The following PURG variants were observed in gnomAD, a reference collection of about 807,000 sequenced individuals.
The protein encoded by PURG is purine-rich element-binding protein gamma.
In PURG, 3 loss-of-function variants were observed where a neutral mutation model predicts 24.3. The observed-to-expected ratio is 0.12, with a 90% CI of 0.06 to 0.32. The LOEUF (loss-of-function observed/expected upper bound fraction) is 0.32. Ranked by LOEUF, PURG falls within the 10% of genes least tolerant of loss-of-function variation. The pLI, the probability that PURG is intolerant of heterozygous loss-of-function variation, is 1.00. For synonymous variants in PURG, 180 were observed against 173.1 expected (o/e 1.04, Z -0.31); for missense variants, 371 against 439.1 (o/e 0.84, Z 1.39).
At chr8:31,018,800 T>C (rs925440840) in intron 1 of PURG, among the ~76,000 whole-genome samples, 1 of 152,100 alleles carries the variant, frequency 6.6e-6, no homozygotes, top group Non-Finnish European at 1.5e-5. Flanking sequence ...TTCAATACAA[T>C]GTAATCCACT....
chr8:31,002,276 C>T (rs1416089987), intron 1 of PURG, among the ~76,000 whole-genome samples: 1 of 152,110 alleles, frequency 6.6e-6, no homozygotes, highest in Non-Finnish European at 1.5e-5. Context: ...AAAGTCTCTT[C>T]TAGCCCTAAA....
downstream of PURG, among the ~76,000 whole-genome samples, chr8:31,030,176 T>C (rs2129851148): frequency 6.6e-6 from 1 of 152,098 alleles, no homozygotes; most frequent in South Asian, 2.1e-4. Context: ...AAATCGCTGA[T>C]ATAATTTTAA....
intron 1 of PURG, among the ~76,000 whole-genome samples, chr8:31,020,550 A>C (rs1357368769): frequency 1.3e-5 from 2 of 152,246 alleles, no homozygotes; most frequent in African/African-American, 4.8e-5. Context: ...ATGAGGCTTC[A>C]TAACTGTTAA....
rs1479171157 is a variant in PURG, at chr8:31,031,724, G to A, written c.*15C>T. Reference sequence around the variant, plus strand: ...TTGTGATTTTAAATTTTGCCTGATGGAGTTCAATTTCACTCTAGTCGAGGC... The same window carrying A: ...TTGTGATTTTAAATTTTGCCTGATGAAGTTCAATTTCACTCTAGTCGAGGC... On this transcript the variant is annotated 3_prime_UTR_variant, in exon 2 of 2. Coordinates refer to ENST00000523392, the MANE Select transcript of PURG (RefSeq NM_001323311.2). 7.2e-6 allele frequency: 11 copies of A among 1,528,566 alleles called. No homozygotes were observed. Among genetic ancestry groups the A allele is most frequent in the Admixed American group, 2.1e-5 (1 of 46,632 alleles). The allele number at this position is 1,528,566 out of a possible 1,614,324, so 94.7% of individuals were successfully genotyped here. A position where few individuals can be genotyped will look rare whatever the true frequency, so the allele number is the denominator to read the frequency against.
chr8:31,020,085 C>T (rs931006127), intron 1 of PURG, among the ~76,000 whole-genome samples: 5 of 151,952 alleles, frequency 3.3e-5, no homozygotes, highest in Non-Finnish European at 5.9e-5. Flanking sequence ...GCTGGAGAAT[C>T]GCTTGAACCT....
At chr8:31,001,218 C>G (rs902791147) in intron 1 of PURG, among the ~76,000 whole-genome samples, 1 of 152,146 alleles carries the variant, frequency 6.6e-6, no homozygotes, top group African/African-American at 2.4e-5. Context: ...AAAAGCTAGG[C>G]AATTGTATTT....
intron 1 of PURG, among the ~76,000 whole-genome samples, chr8:31,018,955 G>A (rs1460224251): frequency 3.3e-5 from 5 of 149,942 alleles, no homozygotes; most frequent in East Asian, 3.9e-4. Context: ...GTGAAAACCC[G>A]TCTCTACTAA....
At chr8:31,017,381 T>C (rs539258708) in intron 1 of PURG, among the ~76,000 whole-genome samples, 176 of 151,458 alleles carry the variant, frequency 1.2e-3, no homozygotes, top group African/African-American at 3.8e-3. Context: ...GTATGTTTAA[T>C]ATATATTACA....
At chr8:31,015,734 A>G (rs1353297694) in intron 1 of PURG, among the ~76,000 whole-genome samples, 3 of 152,188 alleles carry the variant, frequency 2.0e-5, no homozygotes, top group Admixed American at 6.5e-5. Flanking sequence ...ACCTGGATTT[A>G]TGCATTTAGC....
At chr8:31,029,344 A>G (rs1052118132), downstream of PURG, among the ~76,000 whole-genome samples, 6 of 151,890 alleles carry the variant, frequency 4.0e-5, no homozygotes, top group Non-Finnish European at 7.4e-5. Flanking sequence ...GTATACATAC[A>G]AAGTAGAAAA....
At chr8:31,013,459 C>T (rs568199365) in intron 1 of PURG, among the ~76,000 whole-genome samples, 4 of 152,138 alleles carry the variant, frequency 2.6e-5, no homozygotes, top group Non-Finnish European at 5.9e-5. Flanking sequence ...GGTTCCTGGC[C>T]GGGCGCGGCG....
chr8:31,026,805 T>A (rs545958853), downstream of PURG, among the ~76,000 whole-genome samples: 2 of 151,438 alleles, frequency 1.3e-5, no homozygotes, highest in South Asian at 4.2e-4. Context: ...TTCAAAAATA[T>A]TGATTAAAAT....
chr8:31,032,495 C>A lies in PURG; in HGVS notation c.288G>T (p.Arg96=), dbSNP rs1187977949. ...KIAEVWIGRG[R]QDNIRKSKLT... ...GTTTACTCTTTCTGATGTTGTCCTG[C>A]CGGCCTCTCCCTATCCAGACTTCGG... The change falls in exon 2 of 2, where the codon CGG becomes CGT. Residue 96 remains arginine, a synonymous_variant. Transcript: ENST00000523392. The surrounding 1 kb of genome is among the most constrained non-coding windows in gnomAD (Gnocchi z 5.9). 1.2e-5 allele frequency: 20 copies of A among 1,614,218 alleles called. No individual in the cohort carries two copies. Among genetic ancestry groups the A allele is most frequent in the Non-Finnish European group, 1.7e-5 (20 of 1,180,036 alleles).
chr8:31,003,009 G>A (rs1715452062), intron 1 of PURG, among the ~76,000 whole-genome samples: 1 of 152,162 alleles, frequency 6.6e-6, no homozygotes, highest in African/African-American at 2.4e-5. Flanking sequence ...TATCCTTGAG[G>A]CTTAGTATGA....
In PURG at chr8:31,032,828, G is replaced by A. The variant is rs1235342604; in HGVS notation, c.-6-40C>T. The A allele has an allele frequency of 2.3e-6, 3 of 1,325,506 alleles. No homozygotes were observed. The highest frequency in any genetic ancestry group is 2.9e-6 in the Non-Finnish European group (3 of 1,032,410). The allele number at this position is 1,325,506 out of a possible 1,614,324, so 82.1% of individuals were successfully genotyped here. A position where few individuals can be genotyped will look rare whatever the true frequency, so the allele number is the denominator to read the frequency against. Reference sequence around the variant, plus strand: ...CAGACACACGGGATGGGGTGGGGGAGGGGTGTTGAGAACAATCGCAGACGC... The same window carrying A: ...CAGACACACGGGATGGGGTGGGGGAAGGGTGTTGAGAACAATCGCAGACGC... On this transcript the variant is annotated intron_variant, in intron 1 of 1. Transcript: ENST00000523392. This position sits in a 1 kb window ranked among gnomAD's most constrained non-coding sequence, Gnocchi z 5.9.
intron 1 of PURG, among the ~76,000 whole-genome samples, chr8:31,002,510 G>T (rs1301055183): frequency 1.3e-5 from 2 of 152,038 alleles, no homozygotes; most frequent in African/African-American, 2.4e-5. Context: ...TTGAGACAGG[G>T]TCTCTCTCTG....
intron 1 of PURG, among the ~76,000 whole-genome samples, chr8:31,005,263 T>C (rs886447179): frequency 6.6e-6 from 1 of 151,948 alleles, no homozygotes; most frequent in Admixed American, 6.6e-5. Flanking sequence ...TGAAACCCCA[T>C]CTCTACAAAA....
intron 1 of PURG, among the ~76,000 whole-genome samples, chr8:31,011,685 G>A (rs1423366826): frequency 6.6e-6 from 1 of 151,786 alleles, no homozygotes; most frequent in Non-Finnish European, 1.5e-5. Flanking sequence ...CTGTAATTAG[G>A]CTCCAAAAGC....
At chr8:31,016,769 A>C (rs1810880600) in intron 1 of PURG, among the ~76,000 whole-genome samples, 1 of 152,026 alleles carries the variant, frequency 6.6e-6, no homozygotes, top group Non-Finnish European at 1.5e-5. Flanking sequence ...CTGTATTTTT[A>C]TTTAATACAC....
Sources: allele counts gnomAD v4.1 joint callset (sites outside exome capture counted in the v4.1 genomes callset), GRCh38; gene constraint gnomAD v4.1.1; non-coding constraint Gnocchi (gnomAD v3.1); transcripts MANE v1.5; gene names NCBI Gene and HGNC (gene_info 2026-07-23, HGNC 2026-07-21).